The following EPHA5 variants were observed in gnomAD, a reference collection of about 807,000 sequenced individuals.
The protein encoded by EPHA5 is EPH receptor A5, also known as ephrin type-A receptor 5.
In EPHA5, 60 loss-of-function variants were observed where a neutral mutation model predicts 105.0. The observed-to-expected ratio is 0.57, with a 90% CI of 0.46 to 0.71. The LOEUF is 0.71. Among genes scored for constraint, EPHA5 ranks in the 30% least tolerant of loss-of-function variants. The pLI is 0.00. For missense variants in EPHA5, 1,218 were observed against 1,274.7 expected, an observed-to-expected ratio of 0.96 and a Z score of 0.68; for synonymous variants, 513 against 449.1, an observed-to-expected ratio of 1.14 and a Z score of -1.80.
chr4:65,624,779 A>T (rs59342870), intron 2 of EPHA5, among the ~76,000 whole-genome samples: 35,307 of 152,068 alleles, frequency 0.23, 4,287 homozygotes, highest in Non-Finnish European at 0.25. Flanking sequence ...AACTGTTAGG[A>T]TTCTATTCTC....
intron 5 of EPHA5, among the ~76,000 whole-genome samples, chr4:65,476,346 C>A (rs528031122): frequency 3.3e-5 from 5 of 150,856 alleles, no homozygotes; most frequent in Non-Finnish European, 5.9e-5. Context: ...GGTTCAGTCA[C>A]TTTCAATGGA....
intron 5 of EPHA5, among the ~76,000 whole-genome samples, chr4:65,476,343 T>C (rs1482980994): frequency 6.6e-6 from 1 of 151,432 alleles, no homozygotes; most frequent in Non-Finnish European, 1.5e-5. Flanking sequence ...ATGGGTTCAG[T>C]CACTTTCAAT....
chr4:65,399,137 C>T (rs2100263), intron 8 of EPHA5, among the ~76,000 whole-genome samples: 13,189 of 152,218 alleles, frequency 0.087, 1,006 homozygotes, highest in African/African-American at 0.2. Flanking sequence ...CAGTTTCTGG[C>T]ATTTCCAAGT....
At chr4:65,464,317 A>G (rs1189220349) in intron 5 of EPHA5, among the ~76,000 whole-genome samples, 1 of 152,022 alleles carries the variant, frequency 6.6e-6, no homozygotes, top group Non-Finnish European at 1.5e-5. Context: ...CTTTAAAATT[A>G]CTGACGTGCC....
chr4:65,624,623 A>T (rs1169734690), intron 2 of EPHA5, among the ~76,000 whole-genome samples: 1 of 152,224 alleles, frequency 6.6e-6, no homozygotes, highest in Non-Finnish European at 1.5e-5. Flanking sequence ...TCATTTAAAT[A>T]AAAATTGCTT....
intron 2 of EPHA5, among the ~76,000 whole-genome samples, chr4:65,642,498 A>G (rs1042052142): frequency 6.6e-6 from 1 of 151,988 alleles, no homozygotes; most frequent in African/African-American, 2.4e-5. Context: ...TTCCTTCTTA[A>G]TATTATGTCT....
At chr4:65,399,085 G>T (rs1444597458) in intron 8 of EPHA5, among the ~76,000 whole-genome samples, 2 of 152,136 alleles carry the variant, frequency 1.3e-5, no homozygotes, top group Non-Finnish European at 2.9e-5. Flanking sequence ...CAGACCTATG[G>T]GTGCTCCGAG....
At chr4:65,618,282 T>C (rs1745419601) in intron 2 of EPHA5, among the ~76,000 whole-genome samples, 1 of 152,220 alleles carries the variant, frequency 6.6e-6, no homozygotes, top group African/African-American at 2.4e-5. Flanking sequence ...AGCTGTAGAA[T>C]TTCATTAATT....
At position 65,523,808 on chromosome 4, in the gene EPHA5, A is replaced by T. The variant is rs1325874430; in HGVS notation, c.911-28265T>A. Among the ~76,000 whole-genome samples the T allele has an allele frequency of 3.3e-5, 5 of 151,908 alleles. No individual in the cohort carries two copies. The East Asian group carries it at 5.8e-4, about 18-fold the overall frequency. On this transcript the variant is annotated intron_variant, in intron 3 of 16. Transcript: ENST00000613740. ...TGACTAAGAGATTTGAATACATAGGATGCCTAAAGGCACGGTTTCAGGTTC... is the reference window on the plus strand; with the variant it reads ...TGACTAAGAGATTTGAATACATAGGTTGCCTAAAGGCACGGTTTCAGGTTC...
chr4:65,336,067 G>A lies in EPHA5; in HGVS notation c.2654C>T (p.Ala885Val), dbSNP rs2148813665. 6.2e-7 allele frequency: 1 copy of A among 1,613,122 alleles called. No individual in the cohort carries two copies. The highest frequency in any genetic ancestry group is 8.5e-7 in the Non-Finnish European group (1 of 1,179,496). The change falls in exon 15 of 17, where the codon GCT (alanine) becomes GTT (valine). Residue 885 changes from alanine to valine, a missense_variant. Transcript: ENST00000613740. ...GCAATCCAGCATTAACTGATAGAGAGCAGCAGGACAATCCATGGGGCTTGG... is the reference window on the plus strand; with the variant it reads ...GCAATCCAGCATTAACTGATAGAGAACAGCAGGACAATCCATGGGGCTTGG... Reference protein sequence around the residue: ...RLPSPMDCPAALYQLMLDCWQ... With the variant: ...RLPSPMDCPAVLYQLMLDCWQ...
chr4:65,494,020 C>A (rs944808338), intron 4 of EPHA5, among the ~76,000 whole-genome samples: 2 of 152,120 alleles, frequency 1.3e-5, no homozygotes, highest in African/African-American at 4.8e-5. Context: ...TCCACTGGAA[C>A]CAAAATTCAT....
chr4:65,614,230 T>A (rs530633639), intron 2 of EPHA5, among the ~76,000 whole-genome samples: 1 of 152,006 alleles, frequency 6.6e-6, no homozygotes, highest in East Asian at 1.9e-4. Flanking sequence ...TCAGTGTGAT[T>A]TTAGCCTTAA....
chr4:65,409,363 A>AAATAAATAAATAAATAAAT (rs2149004450), intron 7 of EPHA5, among the ~76,000 whole-genome samples: 1 of 149,778 alleles, frequency 6.7e-6, no homozygotes, highest in Admixed American at 6.7e-5. Flanking sequence ...ATAAATAAAT[A>AAATAAATAAATAAATAAAT]AATAAATAAA....
At chr4:65,428,908 G>A (rs2149057497) in intron 5 of EPHA5, among the ~76,000 whole-genome samples, 1 of 152,066 alleles carries the variant, frequency 6.6e-6, no homozygotes, top group Non-Finnish European at 1.5e-5. Flanking sequence ...ATAGTATTCT[G>A]TAAAATAACA....
At chr4:65,496,689 T>C (rs1560608172) in intron 3 of EPHA5, among the ~76,000 whole-genome samples, 1 of 152,072 alleles carries the variant, frequency 6.6e-6, no homozygotes, top group Non-Finnish European at 1.5e-5. Flanking sequence ...GCAATAAACA[T>C]ACGTGTGCAT....
At chr4:65,656,044 G>T (rs991505567) in intron 1 of EPHA5, among the ~76,000 whole-genome samples, 2 of 148,336 alleles carry the variant, frequency 1.3e-5, no homozygotes, top group African/African-American at 5.0e-5. Flanking sequence ...CAAGAAAACA[G>T]CCAGGAAGCC....
chr4:65,408,589 A>T (rs1455330672), intron 7 of EPHA5, among the ~76,000 whole-genome samples: 1 of 152,150 alleles, frequency 6.6e-6, no homozygotes, highest in African/African-American at 2.4e-5. Context: ...ACATGAAAAA[A>T]TGCTCACCAT....
intron 14 of EPHA5, among the ~76,000 whole-genome samples, chr4:65,339,080 C>A (rs1035080609): frequency 1.3e-5 from 2 of 152,116 alleles, no homozygotes; most frequent in East Asian, 3.9e-4. Context: ...TATGCATTTT[C>A]TTGGCATTGG....
At chr4:65,574,697 T>TATGC in intron 3 of EPHA5, among the ~76,000 whole-genome samples, 1 of 64,856 alleles carries the variant, frequency 1.5e-5, no homozygotes, top group East Asian at 6.2e-4. Flanking sequence ...TACATATATA[T>TATGC]ACATATATAT....
Sources: allele counts gnomAD v4.1 joint callset (sites outside exome capture counted in the v4.1 genomes callset), GRCh38; gene constraint gnomAD v4.1.1; transcripts MANE v1.5; gene names NCBI Gene and HGNC (gene_info 2026-07-23, HGNC 2026-07-21).